The following UNC13C variants were observed in gnomAD, a reference collection of about 807,000 sequenced individuals.
UNC13C encodes the protein protein unc-13 homolog C.
UNC13C carries 174 observed loss-of-function variants against 245.4 expected under a neutral mutation model. The ratio of observed to expected loss-of-function variants is 0.71; its 90% CI spans 0.63 to 0.80. The LOEUF (loss-of-function observed/expected upper bound fraction) is 0.80, where lower values mean the gene tolerates loss of function less well. Ranked by LOEUF, UNC13C falls within the 30% of genes least tolerant of loss-of-function variation. UNC13C has a pLI of 0.00. For missense variants in UNC13C, 2,829 were observed against 2,602.9 expected, an observed-to-expected ratio of 1.09 and a Z score of -1.89; for synonymous variants, 992 against 895.1, an observed-to-expected ratio of 1.11 and a Z score of -1.93.
chr15:54,632,841 A>C (rs991906839), downstream of UNC13C: 1 of 152,190 alleles, frequency 6.6e-6, no homozygotes, highest in African/African-American at 2.4e-5. Context: ...AAAACAGTGG[A>C]GTATTCTACT....
At chr15:53,949,445 A>T in the UNC13C span, among the ~76,000 whole-genome samples, 1 of 152,212 alleles carries the variant, frequency 6.6e-6, no homozygotes, top group African/African-American at 2.4e-5. Context: ...AAATAAGAAA[A>T]CTACAAGTTA....
chr15:54,435,417 G>A (rs554220743), intron 19 of UNC13C, among the ~76,000 whole-genome samples: 4 of 152,210 alleles, frequency 2.6e-5, no homozygotes, highest in South Asian at 2.1e-4. Context: ...ATGAGTTTAT[G>A]TCCTTTGCAA....
At chr15:54,325,222 A>C (rs1273827934) in intron 14 of UNC13C, among the ~76,000 whole-genome samples, 1 of 151,834 alleles carries the variant, frequency 6.6e-6, no homozygotes, top group East Asian at 1.9e-4. Context: ...ATGCTAAAAA[A>C]CTCTATATGC....
At chr15:54,183,404 C>T (rs540698612) in intron 4 of UNC13C, among the ~76,000 whole-genome samples, 1 of 150,932 alleles carries the variant, frequency 6.6e-6, no homozygotes, top group African/African-American at 2.4e-5. Flanking sequence ...TATTACTTAT[C>T]TAAATAACCA....
At chr15:54,281,290 C>G (rs1301497694) in intron 10 of UNC13C, among the ~76,000 whole-genome samples, 1 of 152,020 alleles carries the variant, frequency 6.6e-6, no homozygotes, top group Non-Finnish European at 1.5e-5. Flanking sequence ...CAGAGGTTTC[C>G]TTTTCTGAAA....
chr15:54,013,858 G>T lies in UNC13C; in HGVS notation c.955G>T (p.Ala319Ser), dbSNP rs147539114. The T allele has an allele frequency of 3.6e-5, 58 of 1,613,470 alleles. No homozygotes were observed. The African/African-American group carries it at 7.1e-4, about 20-fold the overall frequency. Reference sequence around the variant, plus strand: ...GCACTTAGGTCATATGGGTAGCAAGGCAAGCCTGAGATTTTTAAATGTGAC... The same window carrying T: ...GCACTTAGGTCATATGGGTAGCAAGTCAAGCCTGAGATTTTTAAATGTGAC... Reference protein sequence around the residue: ...IKHLGHMGSKASLRFLNVTEE... With the variant: ...IKHLGHMGSKSSLRFLNVTEE... The change falls in exon 2 of 33, where the codon GCA becomes TCA. Residue 319 changes from alanine (A) to serine (S), a missense_variant. By Grantham distance (99) the Ala-to-Ser change is moderately conservative. Coordinates refer to ENST00000260323, the MANE Select transcript of UNC13C (RefSeq NM_001080534.3).
chr15:54,200,338 G>T (rs1415630572), intron 4 of UNC13C, among the ~76,000 whole-genome samples: 1 of 152,000 alleles, frequency 6.6e-6, no homozygotes, highest in Non-Finnish European at 1.5e-5. Context: ...GGTCTTAATA[G>T]ATACTTGCAG....
chr15:53,905,115 A>G, the UNC13C span, among the ~76,000 whole-genome samples: 1 of 152,150 alleles, frequency 6.6e-6, no homozygotes. Flanking sequence ...TATAGAAGGC[A>G]TGTAGTGTAA....
chr15:54,368,519 GTGC>G (rs2140878380), intron 17 of UNC13C, among the ~76,000 whole-genome samples: 1 of 151,862 alleles, frequency 6.6e-6, no homozygotes, highest in East Asian at 1.9e-4. Flanking sequence ...AATTCAACAA[GTGC>G]TATTAGGTAC....
chr15:54,291,029 A>G (rs1567163917), intron 10 of UNC13C, among the ~76,000 whole-genome samples: 1 of 152,080 alleles, frequency 6.6e-6, no homozygotes, highest in Non-Finnish European at 1.5e-5. Flanking sequence ...ATCTTTTTCT[A>G]AGATAAGAAT....
intron 2 of UNC13C, among the ~76,000 whole-genome samples, chr15:54,061,113 A>G (rs1032124599): frequency 3.8e-4 from 3 of 7,854 alleles, no homozygotes; most frequent in African/African-American, 1.6e-3. Flanking sequence ...AACTTAAAGT[A>G]TAATAATAAT....
intron 1 of UNC13C, among the ~76,000 whole-genome samples, chr15:53,980,989 A>C (rs941771978): frequency 5.3e-5 from 8 of 152,132 alleles, no homozygotes; most frequent in Non-Finnish European, 2.9e-5. Flanking sequence ...TAAAGACAAA[A>C]CACACCAAAT....
chr15:54,007,385 A>T (rs939464062), intron 1 of UNC13C, among the ~76,000 whole-genome samples: 6 of 152,226 alleles, frequency 3.9e-5, no homozygotes, highest in African/African-American at 1.4e-4. Flanking sequence ...AATAGATTGG[A>T]TAAAGAAAAT....
chr15:54,333,948 T>G, intron 16 of UNC13C, 92 bp downstream of exon 16: 5 of 865,682 alleles, frequency 5.8e-6, no homozygotes, highest in Non-Finnish European at 7.5e-6. Context: ...CTTGATCAAG[T>G]ACTGTGTTAA....
chr15:54,422,240 G>T (rs995721734), intron 19 of UNC13C, among the ~76,000 whole-genome samples: 1 of 151,864 alleles, frequency 6.6e-6, no homozygotes, highest in African/African-American at 2.4e-5. Flanking sequence ...TAGCTCCAAA[G>T]CATATTTGGC....
At chr15:54,485,975 T>C (rs776776997) in intron 19 of UNC13C, among the ~76,000 whole-genome samples, 3 of 152,130 alleles carry the variant, frequency 2.0e-5, no homozygotes, top group Non-Finnish European at 1.5e-5. Context: ...ATTATATATT[T>C]TTTTTCCAGA....
At chr15:54,027,036 T>C (rs2141012070) in intron 2 of UNC13C, among the ~76,000 whole-genome samples, 1 of 152,088 alleles carries the variant, frequency 6.6e-6, no homozygotes, top group South Asian at 2.1e-4. Flanking sequence ...CCTAAGGAAA[T>C]GGTATTTGAT....
chr15:54,266,224 T>A (rs1010847582), intron 10 of UNC13C, among the ~76,000 whole-genome samples: 1 of 151,952 alleles, frequency 6.6e-6, no homozygotes, highest in African/African-American at 2.4e-5. Flanking sequence ...TATTTGGGAA[T>A]GTGGGCAATA....
At chr15:54,047,893 G>A (rs1418866790) in intron 2 of UNC13C, among the ~76,000 whole-genome samples, 1 of 152,060 alleles carries the variant, frequency 6.6e-6, no homozygotes, top group Non-Finnish European at 1.5e-5. Context: ...AAGATTCAGG[G>A]ATGAAATAAT....
Sources: gnomAD v4.1 joint callset for allele counts (sites outside exome capture counted in the v4.1 genomes callset) on GRCh38, gnomAD v4.1.1 for gene constraint, MANE v1.5 for transcripts, NCBI Gene and HGNC (gene_info 2026-07-23, HGNC 2026-07-21) for gene names.